The following IKBIP variants were observed in gnomAD, a reference collection of about 807,000 sequenced individuals.
IKBIP encodes the protein IKBKB interacting protein, also known as inhibitor of nuclear factor kappa-B kinase-interacting protein.
A neutral mutation model predicts 31.0 loss-of-function variants in IKBIP; 28 were observed. The observed-to-expected ratio is 0.90, with a 90% CI of 0.67 to 1.24. IKBIP has a LOEUF of 1.24. Ranked by LOEUF, IKBIP falls within the 50% of genes most tolerant of loss-of-function variation. The pLI is 0.00. For synonymous variants in IKBIP, 164 were observed against 160.3 expected (o/e 1.02, Z -0.17); for missense variants, 453 against 441.9 (o/e 1.03, Z -0.23).
At chr12:98,621,533 C>T (rs2097610123), downstream of IKBIP, among the ~76,000 whole-genome samples, 1 of 152,142 alleles carries the variant, frequency 6.6e-6, no homozygotes, top group South Asian at 2.1e-4. Flanking sequence ...CGAGATAGTT[C>T]TACTAACAGC....
exon 3 of IKBIP, chr12:98,613,479 TATAAA>T: frequency 1.6e-6 from 1 of 614,248 alleles, no homozygotes; most frequent in Admixed American, 3.2e-5. Flanking sequence ...TAGGATTAAA[TATAAA>T]ATGACTTTTG....
chr12:98,632,284 T>C (rs2097620923), intron 2 of IKBIP, among the ~76,000 whole-genome samples: 1 of 150,724 alleles, frequency 6.6e-6, no homozygotes, highest in Admixed American at 6.7e-5. Context: ...GCCTGGGCAA[T>C]GTAGCAAGAC....
At chr12:98,630,212 C>G (rs1454527776) in intron 2 of IKBIP, among the ~76,000 whole-genome samples, 1 of 151,488 alleles carries the variant, frequency 6.6e-6, no homozygotes, top group East Asian at 1.9e-4. Context: ...AGTGAAACCC[C>G]ATGTCTACTA....
intron 1 of IKBIP, among the ~76,000 whole-genome samples, chr12:98,637,551 G>C (rs570930692): frequency 6.6e-6 from 1 of 152,106 alleles, no homozygotes; most frequent in Non-Finnish European, 1.5e-5. Flanking sequence ...TGGGACTACA[G>C]GCGTGTGCCA....
rs560492983 is a variant in IKBIP, at chr12:98,634,552, T to C, written c.180-139A>G. 762 of 544,126 alleles carry C rather than the reference T, an allele frequency of 1.4e-3. 5 individuals are homozygous for C. Among genetic ancestry groups the C allele is most frequent in the African/African-American group, 1.0e-2 (514 of 51,478 alleles). 33.7% of individuals were successfully genotyped at this position (544,126 alleles called of 1,614,324 possible). On this transcript the variant is annotated intron_variant, in intron 1 of 2. Transcript: ENST00000299157. ...GCTGTAGGTTTTTTTTTTTTTTTTT[T>C]CACACAGGGTCTCACTCTGTCACCC...
downstream of IKBIP, among the ~76,000 whole-genome samples, chr12:98,623,955 A>C (rs965556434): frequency 6.6e-6 from 1 of 151,178 alleles, no homozygotes; most frequent in Non-Finnish European, 1.5e-5. Context: ...AATACAGGAT[A>C]TATCTATCTA....
At chr12:98,617,676 T>C (rs1262708564) in intron 2 of IKBIP, among the ~76,000 whole-genome samples, 1 of 152,156 alleles carries the variant, frequency 6.6e-6, no homozygotes, top group Non-Finnish European at 1.5e-5. Flanking sequence ...CTATTTAGCT[T>C]CAATCAGAAG....
chr12:98,616,965 T>A (rs1209191562), intron 2 of IKBIP, among the ~76,000 whole-genome samples: 1 of 152,160 alleles, frequency 6.6e-6, no homozygotes, highest in Non-Finnish European at 1.5e-5. Context: ...CTATTCGGGG[T>A]CTAAGGCAAC....
chr12:98,614,324 G>T, exon 3 of IKBIP: 2 of 1,554,348 alleles, frequency 1.3e-6, no homozygotes, highest in Non-Finnish European at 1.7e-6. Flanking sequence ...TTCCATGATA[G>T]CTTCAGATTT....
chr12:98,624,645 A>G lies in IKBIP; in HGVS notation c.*1285T>C, dbSNP rs2153296224. On this transcript the variant is annotated 3_prime_UTR_variant, in exon 3 of 3. Coordinates refer to ENST00000299157, the MANE Select transcript of IKBIP (RefSeq NM_153687.4). ...TCCATATTGCAGTTGACTACATTAT[A>G]TAATTTCAAATAAAATAAAATCAAT... The G allele has an allele frequency of 1.0e-5, 9 of 870,908 alleles. No individual in the cohort carries two copies. Among genetic ancestry groups the G allele is most frequent in the Non-Finnish European group, 1.2e-5 (9 of 725,718 alleles). The allele number at this position is 870,908 out of a possible 1,614,324, so 53.9% of individuals were successfully genotyped here.
downstream of IKBIP, among the ~76,000 whole-genome samples, chr12:98,621,853 G>A (rs890179067): frequency 1.3e-5 from 2 of 152,044 alleles, no homozygotes; most frequent in African/African-American, 2.4e-5. Flanking sequence ...TGAGGTAGAC[G>A]GATCACGAGG....
At chr12:98,629,899 G>T (rs1188395901) in intron 2 of IKBIP, among the ~76,000 whole-genome samples, 1 of 152,028 alleles carries the variant, frequency 6.6e-6, no homozygotes, top group Non-Finnish European at 1.5e-5. Flanking sequence ...GCATTTATGG[G>T]CCACCAACAT....
chr12:98,644,313 G>A (rs1163699538), intron 1 of IKBIP, among the ~76,000 whole-genome samples: 3 of 152,184 alleles, frequency 2.0e-5, no homozygotes, highest in African/African-American at 4.8e-5. Flanking sequence ...ATAGGGGCAT[G>A]CTACCAGCAC....
chr12:98,616,863 C>T (rs1321782396), intron 2 of IKBIP, among the ~76,000 whole-genome samples: 4 of 152,106 alleles, frequency 2.6e-5, no homozygotes, highest in South Asian at 2.1e-4. Flanking sequence ...GCTAGTATCA[C>T]GCTGTTTGGA....
chr12:98,632,512 AATATATATATATATATATAT>A lies in IKBIP; in HGVS notation c.297+1764_297+1783del, dbSNP rs71436924. Among the ~76,000 whole-genome samples the A allele has an allele frequency of 5.4e-3, 124 of 22,790 alleles. 1 individual carries two copies. The highest frequency in any genetic ancestry group is 0.016 in the African/African-American group (93 of 5,884). The allele number at this position is 22,790 out of a possible 152,430, so 15.0% of individuals were successfully genotyped here. ...AAAAAAAAAAAAAAAAAAAAAAAAA[AATATATATATATATATATAT>A]ATATATATATATATATGAAGTTTCT... On this transcript the variant is annotated intron_variant, in intron 2 of 2. Coordinates refer to ENST00000299157, the MANE Select transcript of IKBIP (RefSeq NM_153687.4).
downstream of IKBIP, among the ~76,000 whole-genome samples, chr12:98,622,480 C>G (rs763120550): frequency 6.6e-6 from 1 of 152,134 alleles, no homozygotes; most frequent in African/African-American, 2.4e-5. Flanking sequence ...AGTGCTCACG[C>G]CACTACACTC....
intron 2 of IKBIP, among the ~76,000 whole-genome samples, chr12:98,616,340 T>G (rs1592986851): frequency 7.1e-6 from 1 of 140,138 alleles, no homozygotes; most frequent in Non-Finnish European, 1.6e-5. Flanking sequence ...TTTAATTGGG[T>G]TTTTTTTTGC....
exon 3 of IKBIP, chr12:98,614,073 C>T: frequency 1.2e-6 from 2 of 1,612,628 alleles, no homozygotes; most frequent in Non-Finnish European, 1.7e-6. Context: ...AATGATATTA[C>T]ATCAGTTACT....
In IKBIP at chr12:98,644,498, CCCAGGCAGCCTCGCGTCCACTTACCAGG is replaced by C. The variant is rs755406259; in HGVS notation, c.176_179+24del. Reference sequence around the variant, plus strand: ...CAGCAGGGGGCCCACAGGAGGCCGGCCCAGGCAGCCTCGCGTCCACTTACCAGGCCAGGCCCAGGCACGTCCCCAGCGA... The same window carrying C: ...CAGCAGGGGGCCCACAGGAGGCCGGCCCAGGCCCAGGCACGTCCCCAGCGA... On this transcript the variant is annotated splice_donor_variant and splice_donor_5th_base_variant and coding_sequence_variant and intron_variant, in exon 1 of 3. Coordinates refer to ENST00000299157, the MANE Select transcript of IKBIP (RefSeq NM_153687.4). LOFTEE classifies it high-confidence loss of function. The C allele has an allele frequency of 3.2e-6, 5 of 1,558,222 alleles. No individual in the cohort carries two copies. Among genetic ancestry groups the C allele is most frequent in the South Asian group, 2.4e-5 (2 of 84,982 alleles).
Sources: gnomAD v4.1 joint callset for allele counts (sites outside exome capture counted in the v4.1 genomes callset) on GRCh38, gnomAD v4.1.1 for gene constraint, MANE v1.5 for transcripts, NCBI Gene and HGNC (gene_info 2026-07-23, HGNC 2026-07-21) for gene names.